OSBPL11: variants seen among roughly 807,000 people sequenced by gnomAD.
The protein encoded by OSBPL11 is oxysterol binding protein like 11.
In OSBPL11, 33 loss-of-function variants were observed where a neutral mutation model predicts 84.4. That is an observed-to-expected ratio of 0.39 (90% confidence interval 0.30 to 0.52). The LOEUF (loss-of-function observed/expected upper bound fraction) is 0.52, where lower values mean the gene tolerates loss of function less well. Ranked by LOEUF, OSBPL11 falls within the 20% of genes least tolerant of loss-of-function variation. OSBPL11 has a pLI of 0.72. For synonymous variants in OSBPL11, 276 were observed against 310.2 expected, an observed-to-expected ratio of 0.89 and a Z score of 1.16; for missense variants, 736 against 901.1, an observed-to-expected ratio of 0.82 and a Z score of 2.35.
chr3:125,594,775 G>C lies in OSBPL11; in HGVS notation c.26C>G (p.Thr9Arg). 1 of 1,614,082 alleles carries C rather than the reference G, an allele frequency of 6.2e-7. No individual in the cohort carries two copies. Residue 9 changes from threonine to arginine, a missense_variant, in exon 1 of 13, where the codon ACA (threonine) becomes AGA (arginine). Physicochemically the swap from Thr to Arg is moderately conservative, Grantham distance 71. Around this residue, in one of 3 missense-constraint regions of OSBPL11, gnomAD observed 114 missense variants for 104.9 expected, o/e 1.09. Coordinates refer to ENST00000296220, the MANE Select transcript of OSBPL11 (RefSeq NM_022776.5). ...TCCTTCGCTCTCCGAGACTTTCATT[G>C]TGGACACTGGTTCACCCCCCTGCAT... Reference protein sequence around the residue: MQGGEPVSTMKVSESEGKL... With the variant: MQGGEPVSRMKVSESEGKL...
intron 8 of OSBPL11, among the ~76,000 whole-genome samples, chr3:125,560,067 C>A (rs1936052791): frequency 6.6e-6 from 1 of 152,074 alleles, no homozygotes; most frequent in Non-Finnish European, 1.5e-5. Context: ...CGAGACCCGC[C>A]TGGCCAACAT....
chr3:125,538,703 C>G, intron 10 of OSBPL11, 70 bp from the exon 11 acceptor site: 1 of 1,366,150 alleles, frequency 7.3e-7, no homozygotes, highest in Non-Finnish European at 1.0e-6. Flanking sequence ...GATCTGAAAC[C>G]CAAGAACACA....
At chr3:125,537,302 G>A (rs144598998) in intron 11 of OSBPL11, among the ~76,000 whole-genome samples, 2 of 152,196 alleles carry the variant, frequency 1.3e-5, no homozygotes, top group Non-Finnish European at 2.9e-5. Context: ...TGCTTGTGAC[G>A]TTTGGTGCCA....
At chr3:125,576,557 A>G (rs972469914) in intron 4 of OSBPL11, among the ~76,000 whole-genome samples, 192 bp from the exon 5 acceptor site, 2 of 152,236 alleles carry the variant, frequency 1.3e-5, no homozygotes, top group African/African-American at 4.8e-5. Context: ...ACATATCCCA[A>G]AGGAAACTGG....
chr3:125,542,363 C>A (rs1935742236), intron 10 of OSBPL11, among the ~76,000 whole-genome samples: 1 of 149,608 alleles, frequency 6.7e-6, no homozygotes, highest in African/African-American at 2.5e-5. Context: ...CAGTTCCGTT[C>A]TTGTGGAGTG....
chr3:125,583,842 C>G (rs574045007), intron 1 of OSBPL11, among the ~76,000 whole-genome samples: 1 of 152,262 alleles, frequency 6.6e-6, no homozygotes, highest in African/African-American at 2.4e-5. Context: ...TCTTATACTT[C>G]CGGCCCAGGT....
intron 5 of OSBPL11, among the ~76,000 whole-genome samples, chr3:125,575,903 C>T (rs758893485): frequency 3.3e-5 from 5 of 150,924 alleles, no homozygotes; most frequent in African/African-American, 4.9e-5. Context: ...GGCTTAATTA[C>T]CCTTTTGATC....
intron 7 of OSBPL11, among the ~76,000 whole-genome samples, chr3:125,563,469 C>T (rs865998214): frequency 3.3e-5 from 5 of 151,996 alleles, no homozygotes; most frequent in South Asian, 4.2e-4. Context: ...TTTTATCAAG[C>T]AAAAGTAAAC....
intron 1 of OSBPL11, among the ~76,000 whole-genome samples, chr3:125,583,681 A>G (rs1169563000): frequency 2.6e-5 from 4 of 151,346 alleles, no homozygotes; most frequent in Admixed American, 2.6e-4. Flanking sequence ...ACTTGAGCCC[A>G]GGAGTTTGAA....
rs745869035 is a variant in OSBPL11, at chr3:125,567,989, G to A, written c.667-394C>T. ...AGCCTGGGCAAAAGAGTAAAACCCC[G>A]TCTAAAAAAAAAAAAAAAAAGACAT... On this transcript the variant is annotated intron_variant, in intron 5 of 12. Transcript: ENST00000296220. Among the ~76,000 whole-genome samples the A allele has an allele frequency of 6.2e-3, 817 of 131,578 alleles. 4 individuals carry two copies. The highest frequency in any genetic ancestry group is 8.3e-3 in the Non-Finnish European group (521 of 62,534). 86.3% of individuals were successfully genotyped at this position (131,578 alleles called of 152,430 possible).
intron 9 of OSBPL11, 40 bp downstream of exon 9, chr3:125,552,141 G>GTATATATATATA: frequency 1.1e-6 from 1 of 871,914 alleles, no homozygotes; most frequent in Non-Finnish European, 1.6e-6. Flanking sequence ...ATGTGTGTGT[G>GTATATATATATA]TATATATATA....
rs1399132491 is a variant in OSBPL11, at chr3:125,576,223, T to C, written c.632A>G (p.Asn211Ser). The C allele has an allele frequency of 5.6e-6, 9 of 1,610,142 alleles. No individual in the cohort carries two copies. Among genetic ancestry groups the C allele is most frequent in the Admixed American group, 1.7e-5 (1 of 58,856 alleles). Residue 211 changes from asparagine to serine, a missense_variant, in exon 5 of 13, where the codon AAT becomes AGT. Asn to Ser is a conservative substitution (Grantham distance 46). This residue lies in a region of OSBPL11 where 579 missense variants were observed against 717.6 expected (regional missense o/e 0.81). Coordinates refer to ENST00000296220, the MANE Select transcript of OSBPL11 (RefSeq NM_022776.5). ...SKLQSLSKRT[N>S]LPPDHLVEVR... ...TTCCACAAGATGGTCTGGAGGTAAATTAGTTCTTTTGCTCAGTGATTGCAG... is the reference window on the plus strand; with the variant it reads ...TTCCACAAGATGGTCTGGAGGTAAACTAGTTCTTTTGCTCAGTGATTGCAG...
At chr3:125,578,638 G>A (rs747910384) in intron 4 of OSBPL11, among the ~76,000 whole-genome samples, 2 of 152,092 alleles carry the variant, frequency 1.3e-5, no homozygotes, top group African/African-American at 2.4e-5. Flanking sequence ...GGGTGTGGTG[G>A]TGTGTGCCTG....
intron 7 of OSBPL11, among the ~76,000 whole-genome samples, chr3:125,560,953 C>T (rs1283021341): frequency 5.9e-5 from 9 of 151,982 alleles, no homozygotes; most frequent in African/African-American, 2.2e-4. Context: ...CCCGCTTTGG[C>T]CTCTCAAAGT....
At chr3:125,580,327 C>T (rs1419405447) in intron 2 of OSBPL11, among the ~76,000 whole-genome samples, 1 of 151,848 alleles carries the variant, frequency 6.6e-6, no homozygotes, top group African/African-American at 2.4e-5. Context: ...TCAGCCTGGC[C>T]AACATGGTGA....
In OSBPL11 at chr3:125,530,534, G is replaced by T; in HGVS notation, c.2225C>A (p.Thr742Lys). 2.5e-6 allele frequency: 4 copies of T among 1,613,866 alleles called. No individual in the cohort carries two copies. The highest frequency in any genetic ancestry group is 3.4e-6 in the Non-Finnish European group (4 of 1,179,818). ...TATGTGTCACTCTGCTGGTTGTGTT[G>T]TTGGAATTATTTTCCAAAGTGGTTT... ...YHKPLWKIIP[T>K]TQPAE is the part of the protein sequence containing the mutation. Residue 742 changes from threonine to lysine, a missense_variant, in exon 13 of 13, where the codon ACA becomes AAA. By Grantham distance (78) the Thr-to-Lys change is moderately conservative (BLOSUM62 -1). Coordinates refer to ENST00000296220, the MANE Select transcript of OSBPL11 (RefSeq NM_022776.5).
At position 125,560,523 on chromosome 3, in the gene OSBPL11, G is replaced by A; in HGVS notation, c.1015-4C>T. On this transcript the variant is annotated splice_polypyrimidine_tract_variant and splice_region_variant and intron_variant, in intron 7 of 12. Transcript: ENST00000296220. ...CTGCATTTATTTCTTCAGGCTCCTT[G>A]ATGGAAAACAAAGCAAAAGTCTAGT... 6.5e-7 allele frequency: 1 copy of A among 1,549,390 alleles called. No homozygotes were observed. The highest frequency in any genetic ancestry group is 1.7e-4 in the Middle Eastern group (1 of 5,806).
At chr3:125,581,124 GCT>G (rs1936417531) in intron 2 of OSBPL11, among the ~76,000 whole-genome samples, 1 of 149,656 alleles carries the variant, frequency 6.7e-6, no homozygotes, top group African/African-American at 2.5e-5. Flanking sequence ...ATGGAGTCGT[GCT>G]CTGTTGCCCA....
intron 10 of OSBPL11, among the ~76,000 whole-genome samples, chr3:125,544,959 T>C (rs774921856): frequency 6.6e-6 from 1 of 152,196 alleles, no homozygotes; most frequent in Non-Finnish European, 1.5e-5. Context: ...ATAAAACATA[T>C]GCTTTCTTGC....
Sources: allele counts gnomAD v4.1 joint callset (sites outside exome capture counted in the v4.1 genomes callset), GRCh38; gene constraint gnomAD v4.1.1; regional missense constraint gnomAD v4.1.1; transcripts MANE v1.5; gene names NCBI Gene and HGNC (gene_info 2026-07-23, HGNC 2026-07-21).